The following SUPT3H variants were observed in gnomAD, a reference collection of about 807,000 sequenced individuals.
SUPT3H encodes the protein transcription initiation protein SPT3 homolog.
SUPT3H carries 44 observed loss-of-function variants against 44.3 expected under a neutral mutation model. The ratio of observed to expected loss-of-function variants is 0.99; its 90% CI spans 0.78 to 1.28. The LOEUF is 1.28. Ranked by LOEUF, SUPT3H falls within the 50% of genes most tolerant of loss-of-function variation. SUPT3H has a pLI of 0.00. For missense variants in SUPT3H, 380 were observed against 387.1 expected (o/e 0.98, Z 0.15); for synonymous variants, 124 against 125.6 (o/e 0.99, Z 0.09).
chr6:45,134,553 G>A (rs1377498246), intron 2 of SUPT3H, among the ~76,000 whole-genome samples: 1 of 152,176 alleles, frequency 6.6e-6, no homozygotes, highest in Non-Finnish European at 1.5e-5. Context: ...CTCAAGGCAT[G>A]ATACATACTG....
chr6:44,939,061 C>G (rs1771962429), intron 9 of SUPT3H, among the ~76,000 whole-genome samples: 1 of 152,130 alleles, frequency 6.6e-6, no homozygotes, highest in South Asian at 2.1e-4. Context: ...ACTTTTATTT[C>G]TTTCTCCTGC....
intron 2 of SUPT3H, among the ~76,000 whole-genome samples, chr6:45,216,099 G>A (rs1374155636): frequency 7.2e-5 from 11 of 152,138 alleles, no homozygotes; most frequent in Admixed American, 7.2e-4. Context: ...CTTCAGAGAT[G>A]AAAGAGAAAT....
intron 2 of SUPT3H, among the ~76,000 whole-genome samples, chr6:45,324,301 T>G (rs886507132): frequency 2.6e-5 from 4 of 152,006 alleles, no homozygotes; most frequent in Admixed American, 2.0e-4. Context: ...TAAAGTAAAT[T>G]AGCATAAAAG....
intron 2 of SUPT3H, among the ~76,000 whole-genome samples, chr6:45,253,219 T>C (rs919415424): frequency 6.6e-6 from 1 of 152,176 alleles, no homozygotes; most frequent in African/African-American, 2.4e-5. Context: ...AAAGATTTCT[T>C]ATAACTCAGT....
In SUPT3H at chr6:44,961,829, C is replaced by G; in HGVS notation, c.505-1G>C. 1 of 1,600,126 alleles carries G rather than the reference C, an allele frequency of 6.2e-7. No individual in the cohort carries two copies. The highest frequency in any genetic ancestry group is 8.5e-7 in the Non-Finnish European group (1 of 1,173,686). ...TAATTCGAGTTTGTCTTTCTGCTCT[C>G]TAAAAGATAAAAATACATAACATTT... On this transcript the variant is annotated splice_acceptor_variant, in intron 6 of 10. Coordinates refer to ENST00000371459, the MANE Select transcript of SUPT3H (RefSeq NM_003599.4). LOFTEE classifies it high-confidence loss of function.
chr6:44,813,451 A>G (rs1185201163), intron 11 of SUPT3H, among the ~76,000 whole-genome samples: 2 of 152,110 alleles, frequency 1.3e-5, no homozygotes, highest in Admixed American at 6.5e-5. Context: ...TGGCCTCCCA[A>G]AGTGGTGAGA....
chr6:45,041,165 GAATA>G (rs542561873), intron 3 of SUPT3H, among the ~76,000 whole-genome samples: 2 of 151,716 alleles, frequency 1.3e-5, no homozygotes, highest in African/African-American at 4.8e-5. Context: ...TTACGTTAGG[GAATA>G]AATAAATAAA....
At chr6:44,830,568 C>CA (rs1398068154) in intron 10 of SUPT3H, among the ~76,000 whole-genome samples, 2 of 152,060 alleles carry the variant, frequency 1.3e-5, no homozygotes, top group African/African-American at 4.8e-5. Flanking sequence ...TTCCAAGAGA[C>CA]ATATTTTGCA....
intron 3 of SUPT3H, among the ~76,000 whole-genome samples, chr6:45,043,173 A>ACACG (rs1554218932): frequency 3.4e-5 from 5 of 145,854 alleles, no homozygotes; most frequent in Admixed American, 1.4e-4. Flanking sequence ...ACACACACGC[A>ACACG]CACACACAAA....
intron 9 of SUPT3H, among the ~76,000 whole-genome samples, chr6:44,934,127 AT>A (rs1042043567): frequency 4.6e-5 from 7 of 152,246 alleles, no homozygotes; most frequent in African/African-American, 9.6e-5. Flanking sequence ...TAATTACTGT[AT>A]TTTTTTGATA....
chr6:45,214,998 T>C (rs754315152), intron 2 of SUPT3H, among the ~76,000 whole-genome samples: 5 of 152,070 alleles, frequency 3.3e-5, no homozygotes, highest in Non-Finnish European at 7.4e-5. Context: ...CCGTGGCTCC[T>C]ACTCCCAGGA....
chr6:45,141,468 A>G (rs1311579760), intron 2 of SUPT3H, among the ~76,000 whole-genome samples: 1 of 151,880 alleles, frequency 6.6e-6, no homozygotes, highest in Non-Finnish European at 1.5e-5. Context: ...ATATAGATGA[A>G]AAATGATCCA....
intron 2 of SUPT3H, among the ~76,000 whole-genome samples, chr6:45,191,788 G>T (rs1405333592): frequency 6.6e-6 from 1 of 151,974 alleles, no homozygotes; most frequent in East Asian, 1.9e-4. Context: ...TCCACATTAA[G>T]ACCAACAACA....
At chr6:44,983,237 T>G (rs978853263) in intron 6 of SUPT3H, among the ~76,000 whole-genome samples, 1 of 152,148 alleles carries the variant, frequency 6.6e-6, no homozygotes, top group Non-Finnish European at 1.5e-5. Flanking sequence ...ACTTTTCCAC[T>G]ATATTAGTCT....
chr6:45,061,728 T>TA (rs1792075292), intron 3 of SUPT3H, among the ~76,000 whole-genome samples: 4 of 152,078 alleles, frequency 2.6e-5, no homozygotes, highest in Non-Finnish European at 5.9e-5. Flanking sequence ...CTAAAATCCA[T>TA]TATGACTATA....
chr6:45,028,307 T>C (rs557771990), intron 3 of SUPT3H, among the ~76,000 whole-genome samples: 26 of 152,296 alleles, frequency 1.7e-4, no homozygotes, highest in African/African-American at 6.3e-4. Flanking sequence ...TGGGATAAAA[T>C]TATGCCTTTT....
intron 10 of SUPT3H, among the ~76,000 whole-genome samples, chr6:44,831,294 T>A (rs908546693): frequency 2.0e-5 from 3 of 152,142 alleles, no homozygotes; most frequent in African/African-American, 7.2e-5. Flanking sequence ...GAGCTTGTTC[T>A]TTACCATGGG....
intron 2 of SUPT3H, among the ~76,000 whole-genome samples, chr6:45,265,063 T>C (rs1463927311): frequency 6.6e-6 from 1 of 152,162 alleles, no homozygotes; most frequent in African/African-American, 2.4e-5. Flanking sequence ...TTCCTTGATA[T>C]ACACACAATT....
At chr6:45,216,159 G>A (rs868107107) in intron 2 of SUPT3H, among the ~76,000 whole-genome samples, 24 of 152,024 alleles carry the variant, frequency 1.6e-4, no homozygotes, top group Middle Eastern at 3.4e-3. Context: ...TGACTAGACC[G>A]AACTTACAAG....
Sources: allele counts gnomAD v4.1 joint callset (sites outside exome capture counted in the v4.1 genomes callset), GRCh38; gene constraint gnomAD v4.1.1; transcripts MANE v1.5; gene names NCBI Gene and HGNC (gene_info 2026-07-23, HGNC 2026-07-21).